Variants in PRMT1 observed in about 807,000 individuals in gnomAD.
The protein encoded by PRMT1 is protein arginine methyltransferase 1.
In PRMT1, 5 loss-of-function variants were observed where a neutral mutation model predicts 47.4. The observed-to-expected ratio is 0.11, with a 90% CI of 0.06 to 0.22. The LOEUF (loss-of-function observed/expected upper bound fraction) is 0.22, where lower values mean the gene tolerates loss of function less well. Among genes scored for constraint, PRMT1 ranks in the 10% least tolerant of loss-of-function variants. The pLI, the probability that PRMT1 is intolerant of heterozygous loss-of-function variation, is 1.00. For missense variants in PRMT1, 249 were observed against 518.4 expected (o/e 0.48, Z 5.05); for synonymous variants, 227 against 204.6 (o/e 1.11, Z -0.94).
chr19:49,683,737 A>G lies in PRMT1; in HGVS notation c.413-190A>G, dbSNP rs1181622299. 4 of 631,802 alleles carry G rather than the reference A, an allele frequency of 6.3e-6. No individual in the cohort carries two copies. In the East Asian group the frequency reaches 1.1e-4, roughly 18 times the overall value. 39.1% of individuals were successfully genotyped at this position (631,802 alleles called of 1,614,324 possible). On this transcript the variant is annotated intron_variant, in intron 5 of 10. Transcript: ENST00000454376. The stretch of plus-strand genomic sequence containing the variant: ...ACATCACCTGATACCCAGTCCACAT[A>G]AAATTTCTGCTCCTGCCTCAAAAAT...
In PRMT1 at chr19:49,688,102, C is replaced by T. The variant is rs1024430734; in HGVS notation, c.1033-60C>T. The T allele has an allele frequency of 1.4e-5, 20 of 1,460,876 alleles. No homozygotes were observed. Among genetic ancestry groups the T allele is most frequent in the African/African-American group, 1.2e-4 (8 of 69,538 alleles). 90.5% of individuals were successfully genotyped at this position (1,460,876 alleles called of 1,614,324 possible). On this transcript the variant is annotated intron_variant, in intron 10 of 10. Transcript: ENST00000454376. The surrounding 1 kb of genome is among the most constrained non-coding windows in gnomAD (Gnocchi z 5.3). ...CTCATCGTCGCATAGCCTGCCTGCACCCGCCCCCCGCCACCACCTCCTGGT... is the reference window on the plus strand; with the variant it reads ...CTCATCGTCGCATAGCCTGCCTGCATCCGCCCCCCGCCACCACCTCCTGGT...
Position 49,680,992 on chromosome 19 carries a change from G to A in PRMT1, c.192+404G>A, listed in dbSNP as rs1196946639. Among the ~76,000 whole-genome samples the A allele has an allele frequency of 6.6e-6, 1 of 152,234 alleles. No homozygotes were observed. The highest frequency in any genetic ancestry group is 1.5e-5 in the Non-Finnish European group (1 of 68,038). ...GAACGAAGCTGGGGTGGCATTCTAA[G>A]GAATTTTCTTTTCCCCCTGAGGCCT... On this transcript the variant is annotated intron_variant, in intron 3 of 10. Transcript: ENST00000454376. This position sits in a 1 kb window ranked among gnomAD's most constrained non-coding sequence, Gnocchi z 4.2.
At chr19:49,676,622 C>T (rs1256570179), upstream of PRMT1, among the ~76,000 whole-genome samples, 5 of 152,200 alleles carry the variant, frequency 3.3e-5, no homozygotes, top group African/African-American at 1.2e-4. Flanking sequence ...GGGCCTCTCA[C>T]CGATTCCGTT....
rs776595480 is a variant in PRMT1, at chr19:49,685,233, G to A, written c.759+196G>A. 56 of 1,508,040 alleles carry A rather than the reference G, an allele frequency of 3.7e-5. 1 individual carries two copies. In the South Asian group the frequency reaches 6.3e-4, roughly 17 times the overall value. The allele number at this position is 1,508,040 out of a possible 1,614,324, so 93.4% of individuals were successfully genotyped here. ...TATCTTTGTGAGCGCTGCTGTGTGA[G>A]AACCATGCTTGGCACTTGGCTTCTG... On this transcript the variant is annotated intron_variant, in intron 8 of 10. Coordinates refer to ENST00000454376, the MANE Select transcript of PRMT1 (RefSeq NM_001536.6). The surrounding 1 kb of genome is among the most constrained non-coding windows in gnomAD (Gnocchi z 4.7).
Position 49,684,902 on chromosome 19 carries a change from C to G in PRMT1, c.644-20C>G. 6.2e-7 allele frequency: 1 copy of G among 1,604,810 alleles called. No homozygotes were observed. Among genetic ancestry groups the G allele is most frequent in the Non-Finnish European group, 8.5e-7 (1 of 1,173,856 alleles). ...GGGTGGGCTGCTGCGGGCTCACCCC[C>G]TCCCTGCCTGCCTCCCCAGGGTGGG... On this transcript the variant is annotated intron_variant, in intron 7 of 10. Coordinates refer to ENST00000454376, the MANE Select transcript of PRMT1 (RefSeq NM_001536.6). This position sits in a 1 kb window ranked among gnomAD's most constrained non-coding sequence, Gnocchi z 6.2.
In PRMT1 at chr19:49,686,209, C is replaced by T; in HGVS notation, c.876C>T (p.Phe292=). Reference sequence around the variant, plus strand: ...TGGTGGCCTACTTCAACATCGAGTTCACACGCTGCCACAAGAGGACCGGCT... The same window carrying T: ...TGGTGGCCTACTTCAACATCGAGTTTACACGCTGCCACAAGAGGACCGGCT... The part of the protein sequence containing the change: ...HALVAYFNIE[F]TRCHKRTGFS... Residue 292 remains phenylalanine, a synonymous_variant, in exon 9 of 11, where the codon TTC becomes TTT. Transcript: ENST00000454376. 1 of 1,610,286 alleles carries T rather than the reference C, an allele frequency of 6.2e-7. No individual in the cohort carries two copies. The highest frequency in any genetic ancestry group is 2.2e-5 in the East Asian group (1 of 44,664).
At position 49,686,517 on chromosome 19, in the gene PRMT1, TG is replaced by T. The variant is rs1319045782; in HGVS notation, c.911-83del. 7.4e-5 allele frequency: 77 copies of T among 1,041,724 alleles called. No individual in the cohort carries two copies. In the Middle Eastern group the frequency reaches 1.2e-3, roughly 16 times the overall value. The allele number at this position is 1,041,724 out of a possible 1,614,324, so 64.5% of individuals were successfully genotyped here. A position where few individuals can be genotyped will look rare whatever the true frequency, so the allele number is the denominator to read the frequency against. On this transcript the variant is annotated intron_variant, in intron 9 of 10. Coordinates refer to ENST00000454376, the MANE Select transcript of PRMT1 (RefSeq NM_001536.6). ...CGGATAGCAGTCCCATCAGCTGTCA[TG>T]GGGGTGGGCATTCCGACAGAGGGAA... is the stretch of plus-strand genomic sequence containing the variant.
In PRMT1 at chr19:49,688,393, T is replaced by C; in HGVS notation, c.*148T>C. Reference sequence around the variant, plus strand: ...GGGAGGGCACATCGTGACTGTGTTTTTCATAACTTATGTTTTTATATGGTT... The same window carrying C: ...GGGAGGGCACATCGTGACTGTGTTTCTCATAACTTATGTTTTTATATGGTT... On this transcript the variant is annotated 3_prime_UTR_variant, in exon 11 of 11. Transcript: ENST00000454376. This position sits in a 1 kb window ranked among gnomAD's most constrained non-coding sequence, Gnocchi z 5.3. 2 of 696,426 alleles carry C rather than the reference T, an allele frequency of 2.9e-6. No individual in the cohort carries two copies. The highest frequency in any genetic ancestry group is 2.5e-5 in the Admixed American group (1 of 39,392). The allele number at this position is 696,426 out of a possible 1,614,324, so 43.1% of individuals were successfully genotyped here.
Position 49,680,096 on chromosome 19 carries a change from G to A in PRMT1, c.90+171G>A, listed in dbSNP as rs773486831. The A allele has an allele frequency of 4.4e-4, 479 of 1,084,114 alleles. 1 individual carries two copies. The Middle Eastern group carries it at 0.013, about 29-fold the overall frequency. The allele number at this position is 1,084,114 out of a possible 1,614,324, so 67.2% of individuals were successfully genotyped here. A position where few individuals can be genotyped will look rare whatever the true frequency, so the allele number is the denominator to read the frequency against. ...CCCTCCAGGTTCACAGCCCCCGCTG[G>A]CCTCCCCCAGTATCGCCGCTACTTC... is the stretch of plus-strand genomic sequence containing the variant. On this transcript the variant is annotated intron_variant, in intron 2 of 10. Coordinates refer to ENST00000454376, the MANE Select transcript of PRMT1 (RefSeq NM_001536.6). The surrounding 1 kb of genome is among the most constrained non-coding windows in gnomAD (Gnocchi z 4.2).
At chr19:49,682,703 C>T (rs1381905477) in intron 5 of PRMT1, among the ~76,000 whole-genome samples, 8 of 151,800 alleles carry the variant, frequency 5.3e-5, no homozygotes, top group Middle Eastern at 3.4e-3. Context: ...ACCTGCTTGT[C>T]ATGTCGTTTA....
At position 49,686,639 on chromosome 19, in the gene PRMT1, G is replaced by T. The variant is rs181508065; in HGVS notation, c.945G>T (p.Thr315=). The T allele has an allele frequency of 6.3e-5, 101 of 1,612,150 alleles. No individual in the cohort carries two copies. The highest frequency in any genetic ancestry group is 5.5e-5 in the South Asian group (5 of 91,000). The change falls in exon 10 of 11, where the codon ACG becomes ACT. Residue 315 remains threonine, a synonymous_variant. Coordinates refer to ENST00000454376, the MANE Select transcript of PRMT1 (RefSeq NM_001536.6). ...CCCCGTACACGCACTGGAAGCAGAC[G>T]GTGTTCTACATGGAGGACTACCTGA... ...PESPYTHWKQ[T]VFYMEDYLTV...
Position 49,681,133 on chromosome 19 carries a change from T to C in PRMT1, c.192+545T>C, listed in dbSNP as rs2082112495. ...GGTGCAATCATGGCTCACTGCAGCC[T>C]CGACCTCCCCGGCTCAGGTGATCCC... On this transcript the variant is annotated intron_variant, in intron 3 of 10. Coordinates refer to ENST00000454376, the MANE Select transcript of PRMT1 (RefSeq NM_001536.6). This position sits in a 1 kb window ranked among gnomAD's most constrained non-coding sequence, Gnocchi z 4.4. Among the ~76,000 whole-genome samples the C allele has an allele frequency of 6.6e-6, 1 of 152,208 alleles. No individual in the cohort carries two copies. The highest frequency in any genetic ancestry group is 2.4e-5 in the African/African-American group (1 of 41,460).
intron 9 of PRMT1, 48 bp from the exon 10 acceptor site, chr19:49,686,557 T>C (rs748680172): frequency 2.0e-6 from 2 of 976,194 alleles, no homozygotes; most frequent in African/African-American, 3.3e-5. Flanking sequence ...AAGGGTGGGG[T>C]TGGGGGGGGC....
rs776951803 is a variant in PRMT1, at chr19:49,684,868, C to T, written c.643+27C>T. ...TGAGCGCGGCCCGGGAGCTGGCGGGCGGGGCCTCGGGTGGGCTGCTGCGGG... is the reference window on the plus strand; with the variant it reads ...TGAGCGCGGCCCGGGAGCTGGCGGGTGGGGCCTCGGGTGGGCTGCTGCGGG... On this transcript the variant is annotated intron_variant, in intron 7 of 10. Transcript: ENST00000454376. The surrounding 1 kb of genome is among the most constrained non-coding windows in gnomAD (Gnocchi z 6.2). 12 of 1,610,416 alleles carry T rather than the reference C, an allele frequency of 7.5e-6. 1 individual carries two copies. The highest frequency in any genetic ancestry group is 2.2e-5 in the East Asian group (1 of 44,794).
At chr19:49,677,391 G>A (rs1253306464) in intron 1 of PRMT1, 75 bp downstream of exon 1, 1 of 1,294,692 alleles carries the variant, frequency 7.7e-7, no homozygotes, top group Non-Finnish European at 1.0e-6. Context: ...GTGGGGAAAG[G>A]GCTCTAAGTT....
rs1022952768 is a variant in PRMT1 at position 49,680,437 on chromosome 19, C to G, written c.91-50C>G. ...AGTAGGGCGCTGGAGGTTTAAGAGGCTGTGGGGAGCCCCCAGATCTGACCC... is the reference window on the plus strand; with the variant it reads ...AGTAGGGCGCTGGAGGTTTAAGAGGGTGTGGGGAGCCCCCAGATCTGACCC... On this transcript the variant is annotated intron_variant, in intron 2 of 10. Transcript: ENST00000454376. This position sits in a 1 kb window ranked among gnomAD's most constrained non-coding sequence, Gnocchi z 4.2. The G allele has an allele frequency of 4.8e-6, 7 of 1,444,440 alleles. No homozygotes were observed. The African/African-American group carries it at 7.0e-5, about 14-fold the overall frequency. The allele number at this position is 1,444,440 out of a possible 1,614,324, so 89.5% of individuals were successfully genotyped here.
rs1387437158 is a variant in PRMT1 at position 49,684,198 on chromosome 19, C to T, written c.555+129C>T. The T allele has an allele frequency of 2.3e-6, 3 of 1,296,292 alleles. No homozygotes were observed. The highest frequency in any genetic ancestry group is 2.9e-5 in the African/African-American group (2 of 68,364). 80.3% of individuals were successfully genotyped at this position (1,296,292 alleles called of 1,614,324 possible). On this transcript the variant is annotated intron_variant, in intron 6 of 10. Transcript: ENST00000454376. This position sits in a 1 kb window ranked among gnomAD's most constrained non-coding sequence, Gnocchi z 6.2. ...TTAGCTGCAAGGTGTTAGAAAGCCA[C>T]AGCCCAAGCCAGGTGTGACAGACCC...
chr19:49,686,567 C>T (rs759932339), intron 9 of PRMT1, 38 bp from the exon 10 acceptor site: 3 of 1,586,484 alleles, frequency 1.9e-6, no homozygotes, highest in East Asian at 2.3e-5. Context: ...TTGGGGGGGG[C>T]AGCAGGCCGA....
rs1319232622 is a variant in PRMT1 at position 49,683,909 on chromosome 19, AC to A, written c.413-15del. 3.1e-6 allele frequency: 5 copies of A among 1,609,362 alleles called. No individual in the cohort carries two copies. The African/African-American group carries it at 5.4e-5, about 17-fold the overall frequency. On this transcript the variant is annotated splice_polypyrimidine_tract_variant and intron_variant, in intron 5 of 10. Coordinates refer to ENST00000454376, the MANE Select transcript of PRMT1 (RefSeq NM_001536.6). ...AGGCCTCCCGGGGGCTGACGTGGCC[AC>A]CCTTGTCCGCCCGCAGTGGTGACCA...
Sources: allele counts gnomAD v4.1 joint callset (sites outside exome capture counted in the v4.1 genomes callset), GRCh38; gene constraint gnomAD v4.1.1; non-coding constraint Gnocchi (gnomAD v3.1); transcripts MANE v1.5; gene names NCBI Gene and HGNC (gene_info 2026-07-23, HGNC 2026-07-21).